SH3PXD2A: variants seen among roughly 807,000 people sequenced by gnomAD.
The protein encoded by SH3PXD2A is SH3 and PX domains 2A.
In SH3PXD2A, 32 loss-of-function variants were observed where a neutral mutation model predicts 115.2. That is an observed-to-expected ratio of 0.28 (90% CI 0.21 to 0.37). SH3PXD2A has a LOEUF of 0.37. Among genes scored for constraint, SH3PXD2A ranks in the 10% least tolerant of loss-of-function variants. The probability of loss-of-function intolerance (pLI) is 1.00; values close to 1 mark genes in which losing one functional copy is unlikely to be tolerated. For missense variants in SH3PXD2A, 1,328 were observed against 1,498.7 expected, an observed-to-expected ratio of 0.89 and a Z score of 1.88; for synonymous variants, 610 against 629.1, an observed-to-expected ratio of 0.97 and a Z score of 0.45.
intron 1 of SH3PXD2A, among the ~76,000 whole-genome samples, chr10:103,811,998 A>T (rs1053937396): frequency 6.6e-6 from 1 of 152,208 alleles, no homozygotes; most frequent in East Asian, 1.9e-4. Flanking sequence ...AGTCTTTTGC[A>T]CTTATGAATT....
At chr10:103,730,217 T>A (rs1198282774) in intron 4 of SH3PXD2A, among the ~76,000 whole-genome samples, 1 of 148,992 alleles carries the variant, frequency 6.7e-6, no homozygotes, top group Non-Finnish European at 1.5e-5. Flanking sequence ...GCAGCATCAG[T>A]TTCTTTTCTC....
chr10:103,636,463 C>T (rs1022377705), intron 8 of SH3PXD2A, among the ~76,000 whole-genome samples: 1 of 150,054 alleles, frequency 6.7e-6, no homozygotes, highest in East Asian at 1.9e-4. Context: ...GATTGACATA[C>T]ACAGAGAGAC....
intron 11 of SH3PXD2A, among the ~76,000 whole-genome samples, chr10:103,614,830 T>G (rs1425769179): frequency 6.6e-6 from 1 of 150,762 alleles, no homozygotes. Flanking sequence ...AAAAGGAATA[T>G]GAAAGCTGAA....
At chr10:103,801,917 T>A (rs1444348107) in intron 1 of SH3PXD2A, among the ~76,000 whole-genome samples, 3 of 152,212 alleles carry the variant, frequency 2.0e-5, no homozygotes, top group African/African-American at 4.8e-5. Context: ...TTGGCCAGGC[T>A]GGTCTCGAAC....
chr10:103,640,090 G>A (rs1039765624), intron 8 of SH3PXD2A, among the ~76,000 whole-genome samples: 7 of 152,186 alleles, frequency 4.6e-5, no homozygotes, highest in East Asian at 3.9e-4. Flanking sequence ...CGAGGCGGGC[G>A]GATCACCTGA....
intron 6 of SH3PXD2A, among the ~76,000 whole-genome samples, chr10:103,692,615 A>G (rs1258286632): frequency 6.6e-6 from 1 of 152,124 alleles, no homozygotes; most frequent in Non-Finnish European, 1.5e-5. Context: ...TAACCCTTCC[A>G]TCACCGCTGC....
intron 7 of SH3PXD2A, among the ~76,000 whole-genome samples, chr10:103,664,965 G>A (rs1247914216): frequency 6.6e-6 from 1 of 152,112 alleles, no homozygotes; most frequent in Non-Finnish European, 1.5e-5. Context: ...AAGCCACCAC[G>A]CCTGGCCTAG....
chr10:103,762,509 C>T (rs777273188), intron 3 of SH3PXD2A, among the ~76,000 whole-genome samples: 67 of 152,300 alleles, frequency 4.4e-4, no homozygotes, highest in Middle Eastern at 3.4e-3. Context: ...TTCCCTCTAC[C>T]CCTTGCCCCC....
At chr10:103,661,771 A>G (rs1308496747) in intron 7 of SH3PXD2A, 1 of 985,020 alleles carries the variant, frequency 1.0e-6, no homozygotes, top group Non-Finnish European at 1.2e-6. Flanking sequence ...TTTACTCGCA[A>G]CCCTTAAATA....
At position 103,602,197 on chromosome 10, in the gene SH3PXD2A, A is replaced by G. The variant is rs1592255012; in HGVS notation, c.3021T>C (p.Asp1007=). 5.1e-6 allele frequency: 8 copies of G among 1,582,642 alleles called. No homozygotes were observed. Among genetic ancestry groups the G allele is most frequent in the South Asian group, 1.2e-5 (1 of 85,610 alleles). The change falls in exon 15 of 15, where the codon GAT becomes GAC. Residue 1007 remains aspartate, a synonymous_variant. Coordinates refer to ENST00000369774, the MANE Select transcript of SH3PXD2A (RefSeq NM_001394015.1). The stretch of plus-strand genomic sequence containing the variant: ...AGTTCCGTCGGACGCCTCGGAGGCC[A>G]TCAGTGGCCGTGAGTGACTCATTCC... ...LRRNESLTAT[D]GLRGVRRNSS...
chr10:103,650,833 G>T (rs1329436112), intron 8 of SH3PXD2A, among the ~76,000 whole-genome samples: 4 of 152,182 alleles, frequency 2.6e-5, no homozygotes, highest in African/African-American at 7.2e-5. Flanking sequence ...ACTACACCTG[G>T]GCTTTTTACC....
rs544731324 is a variant in SH3PXD2A at position 103,596,098 on chromosome 10, T to G, written c.*5718A>C. The G allele has an allele frequency of 6.6e-6, 1 of 152,302 alleles. No individual in the cohort carries two copies. Among genetic ancestry groups the G allele is most frequent in the African/African-American group, 2.4e-5 (1 of 41,548 alleles). The allele number at this position is 152,302 out of a possible 1,614,324, so 9.4% of individuals were successfully genotyped here. A position where few individuals can be genotyped will look rare whatever the true frequency, so the allele number is the denominator to read the frequency against. On this transcript the variant is annotated 3_prime_UTR_variant, in exon 15 of 15. Coordinates refer to ENST00000369774, the MANE Select transcript of SH3PXD2A (RefSeq NM_001394015.1). ...TCTGGCCCTGCAGTTGGGACTAAAC[T>G]TATATGCACCTGCAGGTCTTGTTGG... is the stretch of plus-strand genomic sequence containing the variant.
chr10:103,801,564 CACAT>C (rs2039147530), intron 1 of SH3PXD2A, among the ~76,000 whole-genome samples: 2 of 151,952 alleles, frequency 1.3e-5, no homozygotes, highest in Admixed American at 6.6e-5. Flanking sequence ...CACACACACA[CACAT>C]ACCCCTAGAG....
rs997874384 is a variant in SH3PXD2A, at chr10:103,784,676, G to T, written c.153+16606C>A. On this transcript the variant is annotated intron_variant, in intron 2 of 14. Coordinates refer to ENST00000369774, the MANE Select transcript of SH3PXD2A (RefSeq NM_001394015.1). The surrounding 1 kb of genome is among the most constrained non-coding windows in gnomAD (Gnocchi z 4.4). ...GGACAGTCCCAGTAAAAACTCGGGG[G>T]GTGCAGTGAGGAGGCAGGAGGATGG... 1.3e-4 allele frequency among the ~76,000 whole-genome samples: 20 copies of T among 152,188 alleles called. No homozygotes were observed. The highest frequency in any genetic ancestry group is 4.6e-4 in the African/African-American group (19 of 41,522).
chr10:103,772,129 G>T (rs1005551631), intron 2 of SH3PXD2A, among the ~76,000 whole-genome samples: 1 of 152,280 alleles, frequency 6.6e-6, no homozygotes, highest in Admixed American at 6.5e-5. Flanking sequence ...ATTCTGTGTG[G>T]GGCTTGTACT....
intron 5 of SH3PXD2A, among the ~76,000 whole-genome samples, chr10:103,718,157 C>T (rs1285516792): frequency 1.3e-5 from 2 of 152,064 alleles, no homozygotes; most frequent in African/African-American, 4.8e-5. Flanking sequence ...AGGCGTGTGC[C>T]ACCATGCCTG....
intron 3 of SH3PXD2A, among the ~76,000 whole-genome samples, chr10:103,742,565 G>C (rs1367164754): frequency 1.3e-5 from 2 of 152,206 alleles, no homozygotes; most frequent in Admixed American, 1.3e-4. Flanking sequence ...ACCTACCGCA[G>C]GGTAGTTATG....
chr10:103,644,331 G>A (rs565340162), intron 8 of SH3PXD2A, among the ~76,000 whole-genome samples: 17 of 152,112 alleles, frequency 1.1e-4, no homozygotes, highest in Admixed American at 5.2e-4. Flanking sequence ...TGTAATCCCA[G>A]CACTTTGGGA....
chr10:103,828,785 T>C (rs912405270), intron 1 of SH3PXD2A, among the ~76,000 whole-genome samples: 6 of 152,252 alleles, frequency 3.9e-5, no homozygotes, highest in African/African-American at 7.2e-5. Context: ...GTTTGTGTTC[T>C]GTACTTCGTC....
Sources: gnomAD v4.1 joint callset for allele counts (sites outside exome capture counted in the v4.1 genomes callset) on GRCh38, gnomAD v4.1.1 for gene constraint, Gnocchi (gnomAD v3.1) non-coding constraint, MANE v1.5 for transcripts, NCBI Gene and HGNC (gene_info 2026-07-23, HGNC 2026-07-21) for gene names.